The following TMEM182 variants were observed in gnomAD, a reference collection of about 807,000 sequenced individuals.
TMEM182 encodes transmembrane protein 182.
A neutral mutation model predicts 26.8 loss-of-function variants in TMEM182; 20 were observed. The observed-to-expected ratio is 0.75, with a 90% CI of 0.53 to 1.09. TMEM182 has a LOEUF of 1.09. Among genes scored for constraint, TMEM182 ranks in the 50% least tolerant of loss-of-function variants. TMEM182 has a pLI of 0.00. For missense variants in TMEM182, 277 were observed against 275.5 expected (o/e 1.01, Z -0.04); for synonymous variants, 109 against 102.2 (o/e 1.07, Z -0.40).
chr2:102,744,564 A>T (rs1679635345), intron 1 of TMEM182, among the ~76,000 whole-genome samples: 1 of 152,134 alleles, frequency 6.6e-6, no homozygotes, highest in African/African-American at 2.4e-5. Flanking sequence ...CTTTCTGAAG[A>T]AATTCTTTTA....
chr2:102,823,584 C>T (rs867899999), intron 3 of TMEM182, among the ~76,000 whole-genome samples: 5 of 152,130 alleles, frequency 3.3e-5, no homozygotes, highest in South Asian at 2.1e-4. Context: ...CCGCCCACCT[C>T]GGCCTCCCAA....
At chr2:102,803,081 C>T (rs1277621393) in intron 4 of TMEM182, among the ~76,000 whole-genome samples, 1 of 152,164 alleles carries the variant, frequency 6.6e-6, no homozygotes, top group African/African-American at 2.4e-5. Flanking sequence ...TATTCCAGGT[C>T]CAGGATGTGC....
At chr2:102,792,972 C>G (rs576473278) in intron 3 of TMEM182, among the ~76,000 whole-genome samples, 47 of 152,308 alleles carry the variant, frequency 3.1e-4, no homozygotes, top group Non-Finnish European at 5.1e-4. Flanking sequence ...TGTCTCCTCC[C>G]TTTCTTGCAT....
upstream of TMEM182, among the ~76,000 whole-genome samples, chr2:102,760,451 C>T (rs1293332563): frequency 6.6e-6 from 1 of 152,106 alleles, no homozygotes; most frequent in African/African-American, 2.4e-5. Context: ...CCTTAAATGC[C>T]ACAGGCTGGA....
intron 3 of TMEM182, among the ~76,000 whole-genome samples, chr2:102,768,874 A>G (rs1680566672): frequency 6.6e-6 from 1 of 151,844 alleles, no homozygotes. Flanking sequence ...ATGTGAGGCT[A>G]CAAGCAGGGA....
intron 1 of TMEM182, among the ~76,000 whole-genome samples, chr2:102,751,394 G>T (rs989572943): frequency 6.6e-6 from 1 of 152,090 alleles, no homozygotes; most frequent in Admixed American, 6.5e-5. Flanking sequence ...TGTGTCATCT[G>T]CTGCCTACTG....
intron 3 of TMEM182, among the ~76,000 whole-genome samples, chr2:102,836,014 G>A (rs1320650604): frequency 1.3e-5 from 2 of 152,082 alleles, no homozygotes; most frequent in Admixed American, 6.5e-5. Context: ...TTCAGATTGG[G>A]TTATTTCACT....
chr2:102,759,795 C>T (rs950886892), upstream of TMEM182, among the ~76,000 whole-genome samples: 1 of 152,176 alleles, frequency 6.6e-6, no homozygotes, highest in South Asian at 2.1e-4. Flanking sequence ...CTTTCCTCTT[C>T]CTACTTCTAG....
chr2:102,791,102 A>C (rs1000884748), intron 3 of TMEM182, among the ~76,000 whole-genome samples: 13 of 151,998 alleles, frequency 8.6e-5, no homozygotes, highest in African/African-American at 3.1e-4. Flanking sequence ...TGCCTGGCTA[A>C]TTTTTGTATT....
At chr2:102,742,877 C>T (rs1241769603) in intron 1 of TMEM182, among the ~76,000 whole-genome samples, 1 of 151,962 alleles carries the variant, frequency 6.6e-6, no homozygotes, top group South Asian at 2.1e-4. Context: ...TAAAAAAAAG[C>T]TGATGAAATT....
At chr2:102,805,362 G>A (rs548578956) in intron 4 of TMEM182, among the ~76,000 whole-genome samples, 1 of 152,314 alleles carries the variant, frequency 6.6e-6, no homozygotes, top group African/African-American at 2.4e-5. Context: ...AGAGGAATGA[G>A]AATGTGAAGA....
chr2:102,812,369 CT>C (rs1278853811), intron 4 of TMEM182, among the ~76,000 whole-genome samples: 2 of 142,608 alleles, frequency 1.4e-5, no homozygotes, highest in African/African-American at 5.2e-5. Context: ...CTCTCTCTCT[CT>C]TTGTCTACAC....
At chr2:102,821,241 TG>T (rs1377963797), downstream of TMEM182, among the ~76,000 whole-genome samples, 1 of 152,230 alleles carries the variant, frequency 6.6e-6, no homozygotes. Flanking sequence ...CCTGCACAAG[TG>T]CATACAGTGG....
intron 3 of TMEM182, among the ~76,000 whole-genome samples, chr2:102,841,548 C>T (rs1270024156): frequency 6.6e-6 from 1 of 152,230 alleles, no homozygotes; most frequent in Admixed American, 6.5e-5. Context: ...GCAGCAATGA[C>T]ACGCAGCAGC....
At chr2:102,755,719 A>G (rs890242937) in intron 1 of TMEM182, among the ~76,000 whole-genome samples, 9 of 152,152 alleles carry the variant, frequency 5.9e-5, no homozygotes, top group Admixed American at 4.6e-4. Flanking sequence ...AGGGGATGCT[A>G]TTTGTAGGGG....
At chr2:102,748,274 T>C (rs1440462690) in intron 1 of TMEM182, among the ~76,000 whole-genome samples, 1 of 152,254 alleles carries the variant, frequency 6.6e-6, no homozygotes, top group Non-Finnish European at 1.5e-5. Context: ...CGCAATGAAA[T>C]GCCCTTGATC....
chr2:102,762,645 T>C lies in TMEM182; in HGVS notation c.191T>C (p.Ile64Thr). ...GFFWRCWFNGIVEENDSNIWK... is the reference protein window; with the variant it reads ...GFFWRCWFNGTVEENDSNIWK... ...TTCTGGAGGTGTTGGTTTAATGGGA[T>C]TGTGGAAGAGAATGACTCCAATATT... Residue 64 changes from isoleucine to threonine, a missense_variant, in exon 2 of 5, where the codon ATT (isoleucine) becomes ACT (threonine). Coordinates refer to ENST00000412401, the MANE Select transcript of TMEM182 (RefSeq NM_144632.5). 4 of 1,613,960 alleles carry C rather than the reference T, an allele frequency of 2.5e-6. No homozygotes were observed. Among genetic ancestry groups the C allele is most frequent in the Non-Finnish European group, 3.4e-6 (4 of 1,179,920 alleles).
intron 4 of TMEM182, among the ~76,000 whole-genome samples, chr2:102,813,024 T>C (rs1239763137): frequency 6.6e-6 from 1 of 152,214 alleles, no homozygotes; most frequent in Non-Finnish European, 1.5e-5. Flanking sequence ...TATTTCTCTG[T>C]GATTAGTTGT....
At chr2:102,789,152 T>C (rs996262785) in intron 3 of TMEM182, among the ~76,000 whole-genome samples, 4 of 152,228 alleles carry the variant, frequency 2.6e-5, no homozygotes, top group African/African-American at 9.6e-5. Context: ...TGGAACATTT[T>C]ATAGCACTTC....
Sources: allele counts gnomAD v4.1 joint callset (sites outside exome capture counted in the v4.1 genomes callset), GRCh38; gene constraint gnomAD v4.1.1; transcripts MANE v1.5; gene names NCBI Gene and HGNC (gene_info 2026-07-23, HGNC 2026-07-21).